TRAPPC9: variants seen among roughly 807,000 people sequenced by gnomAD.
TRAPPC9 encodes trafficking protein particle complex subunit 9.
Under a neutral mutation model 124.0 loss-of-function variants are expected in TRAPPC9, and 83 were observed. The observed-to-expected ratio is 0.67, with a 90% CI of 0.56 to 0.80. The LOEUF (loss-of-function observed/expected upper bound fraction) is 0.80. TRAPPC9 is among the 30% of genes least tolerant of loss of function. The pLI, the probability that TRAPPC9 is intolerant of heterozygous loss-of-function variation, is 0.00. For synonymous variants in TRAPPC9, 638 were observed against 617.5 expected, an observed-to-expected ratio of 1.03 and a Z score of -0.49; for missense variants, 1,302 against 1,508.3, an observed-to-expected ratio of 0.86 and a Z score of 2.27.
intron 19 of TRAPPC9, among the ~76,000 whole-genome samples, chr8:139,922,335 C>T (rs1169893086): frequency 6.6e-6 from 1 of 152,178 alleles, no homozygotes; most frequent in African/African-American, 2.4e-5. Flanking sequence ...AGGCACGTGC[C>T]ACCACACCCG....
At chr8:139,744,181 C>T (rs1818741162) in intron 21 of TRAPPC9, among the ~76,000 whole-genome samples, 1 of 152,292 alleles carries the variant, frequency 6.6e-6, no homozygotes, top group Admixed American at 6.5e-5. Context: ...CATTTTATTT[C>T]AACTCTTTAT....
intron 18 of TRAPPC9, 35 bp from the exon 19 acceptor site, chr8:139,988,871 TGACAGCCAAAGAGGAATGAC>T: frequency 2.9e-6 from 4 of 1,391,776 alleles, no homozygotes; most frequent in Non-Finnish European, 4.0e-6. Flanking sequence ...CAGAATCCTC[TGACAGCCAAAGAGGAATGAC>T]TTTCCCTTTT....
intron 17 of TRAPPC9, among the ~76,000 whole-genome samples, chr8:140,116,494 C>G (rs1459809365): frequency 6.6e-6 from 1 of 152,178 alleles, no homozygotes; most frequent in Non-Finnish European, 1.5e-5. Context: ...AAGACTTGTA[C>G]AGAACCTGAG....
At chr8:140,392,338 C>T (rs1057311718) in intron 7 of TRAPPC9, among the ~76,000 whole-genome samples, 4 of 152,168 alleles carry the variant, frequency 2.6e-5, no homozygotes, top group Non-Finnish European at 5.9e-5. Context: ...TCAGCTTATC[C>T]GATAATGGAG....
At chr8:139,921,644 T>C (rs1421668291) in intron 19 of TRAPPC9, among the ~76,000 whole-genome samples, 2 of 146,454 alleles carry the variant, frequency 1.4e-5, no homozygotes, top group Admixed American at 7.1e-5. Flanking sequence ...CCATCCCAGA[T>C]AGAGGGAGCA....
intron 21 of TRAPPC9, among the ~76,000 whole-genome samples, chr8:139,849,306 C>T (rs1827298337): frequency 6.6e-6 from 1 of 152,230 alleles, no homozygotes; most frequent in African/African-American, 2.4e-5. Flanking sequence ...TCCCTGTTGA[C>T]ACCAAGCATC....
intron 18 of TRAPPC9, among the ~76,000 whole-genome samples, chr8:140,016,413 G>C (rs1270114034): frequency 2.6e-5 from 4 of 152,206 alleles, no homozygotes; most frequent in Admixed American, 6.5e-5. Flanking sequence ...AAACCAGACA[G>C]TTGCTAACCC....
intron 19 of TRAPPC9, among the ~76,000 whole-genome samples, chr8:139,955,819 T>C (rs755950309): frequency 6.6e-6 from 1 of 152,066 alleles, no homozygotes; most frequent in Admixed American, 6.5e-5. Context: ...AATCCTCAAA[T>C]AGGTCCCAGG....
intron 21 of TRAPPC9, among the ~76,000 whole-genome samples, chr8:139,878,718 A>T (rs1186116844): frequency 6.6e-6 from 1 of 152,218 alleles, no homozygotes; most frequent in East Asian, 1.9e-4. Context: ...AACTCCCAGC[A>T]CTTTGGGAGG....
At chr8:139,844,928 C>A (rs1235987906) in intron 21 of TRAPPC9, among the ~76,000 whole-genome samples, 1 of 152,130 alleles carries the variant, frequency 6.6e-6, no homozygotes, top group African/African-American at 2.4e-5. Flanking sequence ...CAGTTCATCA[C>A]CCCGTCCCCA....
intron 7 of TRAPPC9, among the ~76,000 whole-genome samples, chr8:140,391,727 A>G (rs1347816911): frequency 6.8e-6 from 1 of 146,890 alleles, no homozygotes; most frequent in Non-Finnish European, 1.5e-5. Flanking sequence ...AAAAAAAAAA[A>G]AAAGAATTAA....
At chr8:140,404,701 T>C (rs1004732267) in intron 6 of TRAPPC9, among the ~76,000 whole-genome samples, 14 of 152,160 alleles carry the variant, frequency 9.2e-5, no homozygotes, top group South Asian at 2.1e-4. Context: ...CGTGCATGTG[T>C]GCGCACATGT....
In TRAPPC9 at chr8:140,045,637, A is replaced by AC. The variant is rs1372638426; in HGVS notation, c.2557-21559_2557-21558insG. ...GCAAGACTCCATCTCGGCAGAAAAA[A>AC]AAAAAAAAAAAAAAAAAAAAAACCA... On this transcript the variant is annotated intron_variant, in intron 17 of 22. Transcript: ENST00000438773. Among the ~76,000 whole-genome samples the AC allele has an allele frequency of 2.3e-5, 3 of 131,316 alleles. 1 individual carries two copies. The highest frequency in any genetic ancestry group is 4.9e-5 in the Non-Finnish European group (3 of 61,072). 86.1% of individuals were successfully genotyped at this position (131,316 alleles called of 152,430 possible). A position where few individuals can be genotyped will look rare whatever the true frequency, so the allele number is the denominator to read the frequency against.
At chr8:139,828,437 G>A (rs149538492) in intron 21 of TRAPPC9, among the ~76,000 whole-genome samples, 74 of 152,222 alleles carry the variant, frequency 4.9e-4, no homozygotes, top group Middle Eastern at 3.4e-3. Context: ...CAGACAATGC[G>A]GCCAAAGGCA....
chr8:140,257,771 C>T lies in TRAPPC9; in HGVS notation c.2279-4842G>A, dbSNP rs2064304033. On this transcript the variant is annotated intron_variant, in intron 15 of 22. Transcript: ENST00000438773. The surrounding 1 kb of genome is among the most constrained non-coding windows in gnomAD (Gnocchi z 4.6). Reference sequence around the variant, plus strand: ...ACTCAGATATGCAACCATCCCAGCCCTTGTTCTTAGGCTGGAAGCCCTCCC... The same window carrying T: ...ACTCAGATATGCAACCATCCCAGCCTTTGTTCTTAGGCTGGAAGCCCTCCC... Among the ~76,000 whole-genome samples the T allele has an allele frequency of 6.6e-6, 1 of 152,154 alleles. No individual in the cohort carries two copies. The highest frequency in any genetic ancestry group is 1.5e-5 in the Non-Finnish European group (1 of 68,036).
At chr8:140,146,864 CAA>C (rs11460861) in intron 17 of TRAPPC9, among the ~76,000 whole-genome samples, 4 of 125,166 alleles carry the variant, frequency 3.2e-5, no homozygotes, top group East Asian at 2.5e-4. Flanking sequence ...GTTTTCTAAC[CAA>C]AAAAAAAAAA....
At chr8:140,329,183 G>A (rs2066827512) in intron 9 of TRAPPC9, among the ~76,000 whole-genome samples, 1 of 152,106 alleles carries the variant, frequency 6.6e-6, no homozygotes, top group Admixed American at 6.5e-5. Flanking sequence ...AGAGGTGAGG[G>A]GCAGTGAGAA....
At chr8:140,309,241 T>C (rs997809092) in intron 10 of TRAPPC9, among the ~76,000 whole-genome samples, 2 of 152,394 alleles carry the variant, frequency 1.3e-5, no homozygotes, top group South Asian at 2.1e-4. Flanking sequence ...TCCTAGGCGC[T>C]AGGCATGCTG....
chr8:140,330,429 T>C (rs1588161395), intron 9 of TRAPPC9, among the ~76,000 whole-genome samples: 1 of 152,306 alleles, frequency 6.6e-6, no homozygotes, highest in East Asian at 1.9e-4. Flanking sequence ...TAGATAAATT[T>C]GCAGTGAGCC....
Sources: allele counts gnomAD v4.1 joint callset (sites outside exome capture counted in the v4.1 genomes callset), GRCh38; gene constraint gnomAD v4.1.1; non-coding constraint Gnocchi (gnomAD v3.1); transcripts MANE v1.5; gene names NCBI Gene and HGNC (gene_info 2026-07-23, HGNC 2026-07-21).